The following AIF1L variants were observed in gnomAD, a reference collection of about 807,000 sequenced individuals.
AIF1L encodes allograft inflammatory factor 1 like, also known as allograft inflammatory factor 1-like.
A neutral mutation model predicts 20.7 loss-of-function variants in AIF1L; 12 were observed. The observed-to-expected ratio is 0.58, with a 90% CI of 0.37 to 0.94. The LOEUF is 0.94. AIF1L is among the 40% of genes least tolerant of loss of function. AIF1L has a pLI of 0.01. For synonymous variants in AIF1L, 76 were observed against 65.1 expected, an observed-to-expected ratio of 1.17 and a Z score of -0.81; for missense variants, 173 against 185.3, an observed-to-expected ratio of 0.93 and a Z score of 0.39.
At chr9:131,097,050 C>A (rs1379855082) in intron 2 of AIF1L, among the ~76,000 whole-genome samples, 187 bp downstream of exon 2, 10 of 152,236 alleles carry the variant, frequency 6.6e-5, no homozygotes, top group Admixed American at 6.5e-4. Context: ...TCCGCCTCCG[C>A]CTCCCGCCTC....
chr9:131,103,901 G>A (rs576212598), intron 2 of AIF1L, among the ~76,000 whole-genome samples: 2 of 152,180 alleles, frequency 1.3e-5, no homozygotes, highest in Non-Finnish European at 2.9e-5. Context: ...GTTTTCAACT[G>A]TTGTGAACTT....
At chr9:131,116,418 C>A (rs148686113) in intron 4 of AIF1L, among the ~76,000 whole-genome samples, 1 of 152,118 alleles carries the variant, frequency 6.6e-6, no homozygotes, top group Non-Finnish European at 1.5e-5. Flanking sequence ...CACGCACCAC[C>A]ACGCCCGGCT....
At chr9:131,108,772 C>G (rs1461435864) in intron 2 of AIF1L, among the ~76,000 whole-genome samples, 1 of 152,190 alleles carries the variant, frequency 6.6e-6, no homozygotes, top group Non-Finnish European at 1.5e-5. Context: ...CTGCCTCATA[C>G]TCATAATCTT....
In AIF1L at chr9:131,111,437, G is replaced by T. The variant is rs933453605; in HGVS notation, c.94-160G>T. 11 of 689,824 alleles carry T rather than the reference G, an allele frequency of 1.6e-5. No homozygotes were observed. In the African/African-American group the frequency reaches 1.6e-4, roughly 10 times the overall value. The allele number at this position is 689,824 out of a possible 1,614,324, so 42.7% of individuals were successfully genotyped here. On this transcript the variant is annotated intron_variant, in intron 2 of 5. Transcript: ENST00000247291. ...CCCACAGGGTGGCCAGTGCAGATCT[G>T]CCTCCAAGGGGCGACAGGAAGCCGG...
chr9:131,119,512 A>AG (rs1181071367), intron 5 of AIF1L, among the ~76,000 whole-genome samples: 1 of 150,624 alleles, frequency 6.6e-6, no homozygotes, highest in Non-Finnish European at 1.5e-5. Context: ...AAAAGAAAAA[A>AG]AAAAAAAAAA....
Position 131,114,291 on chromosome 9 carries a change from C to T in AIF1L, c.161-286C>T. 7.1e-6 allele frequency: 3 copies of T among 425,086 alleles called. No homozygotes were observed. The East Asian group carries it at 1.4e-4, about 20-fold the overall frequency. 26.3% of individuals were successfully genotyped at this position (425,086 alleles called of 1,614,324 possible). On this transcript the variant is annotated intron_variant, in intron 3 of 5. Coordinates refer to ENST00000247291, the MANE Select transcript of AIF1L (RefSeq NM_031426.4). The stretch of plus-strand genomic sequence containing the variant: ...ACTCAGATGCAGCTGGTCTGTGCTG[C>T]TGGGGACCCGGGAGAAAGCAGCTGC...
chr9:131,097,783 T>C (rs966765671), intron 2 of AIF1L, among the ~76,000 whole-genome samples: 4 of 152,176 alleles, frequency 2.6e-5, no homozygotes, highest in African/African-American at 9.7e-5. Context: ...GCAAAGGGCC[T>C]CTCATCTCCA....
At chr9:131,106,077 C>A in intron 2 of AIF1L, 1 of 1,276,314 alleles carries the variant, frequency 7.8e-7, no homozygotes, top group Admixed American at 2.3e-5. Context: ...CCTCGGGCTC[C>A]TCAACAGATG....
intron 2 of AIF1L, among the ~76,000 whole-genome samples, chr9:131,097,655 A>G (rs1421418447): frequency 6.6e-6 from 1 of 152,270 alleles, no homozygotes; most frequent in African/African-American, 2.4e-5. Flanking sequence ...ATAAGGAAAG[A>G]TATCAGGACC....
chr9:131,120,294 CAGAG>C lies in AIF1L; in HGVS notation c.431_434del (p.Arg144ThrfsTer29). ...AGCCCCAAGCCAGTTGGCCCCCCTC[CAGAG>C]AGAGACATTGCTAGCCTGCCCTGAG... On this transcript the variant is annotated frameshift_variant, in exon 6 of 6. Coordinates refer to ENST00000247291, the MANE Select transcript of AIF1L (RefSeq NM_031426.4). LOFTEE classifies it high-confidence loss of function. 6.2e-7 allele frequency: 1 copy of C among 1,613,840 alleles called. No individual in the cohort carries two copies. Among genetic ancestry groups the C allele is most frequent in the Non-Finnish European group, 8.5e-7 (1 of 1,179,914 alleles).
intron 5 of AIF1L, among the ~76,000 whole-genome samples, chr9:131,118,793 C>A (rs925343102): frequency 1.3e-5 from 2 of 152,108 alleles, no homozygotes; most frequent in Admixed American, 6.5e-5. Context: ...AGAGATCAGA[C>A]CCCCTCGGCC....
rs1397173482 is a variant in AIF1L, at chr9:131,096,883, C to T, written c.93+20C>T. On this transcript the variant is annotated intron_variant, in intron 2 of 5. Coordinates refer to ENST00000247291, the MANE Select transcript of AIF1L (RefSeq NM_031426.4). The stretch of plus-strand genomic sequence containing the variant: ...AACCGGGTAAGCCCCGCGCCCAGGG[C>T]AGCACGCGAGTCCCGAGCCGCGCGC... 2 of 1,522,832 alleles carry T rather than the reference C, an allele frequency of 1.3e-6. No homozygotes were observed. The highest frequency in any genetic ancestry group is 2.5e-5 in the South Asian group (2 of 81,308). The allele number at this position is 1,522,832 out of a possible 1,614,324, so 94.3% of individuals were successfully genotyped here.
In AIF1L at chr9:131,100,410, G is replaced by A. The variant is rs568706330; in HGVS notation, c.93+3547G>A. Among the ~76,000 whole-genome samples the A allele has an allele frequency of 3.9e-5, 6 of 152,348 alleles. No homozygotes were observed. In the East Asian group the frequency reaches 9.6e-4, roughly 24 times the overall value. ...GCACTGTGGGCATTATCTTGCGAATGCTCTCTCTAACCCAGGGAGTATTGT... is the reference window on the plus strand; with the variant it reads ...GCACTGTGGGCATTATCTTGCGAATACTCTCTCTAACCCAGGGAGTATTGT... On this transcript the variant is annotated intron_variant, in intron 2 of 5. Transcript: ENST00000247291.
chr9:131,106,771 ATTGAGAAGGTGACATTCGGCCG>A (rs1830759607), intron 2 of AIF1L, among the ~76,000 whole-genome samples: 2 of 89,624 alleles, frequency 2.2e-5, no homozygotes, highest in South Asian at 3.0e-4. Context: ...GGTCGGCCGC[ATTGAGAAGGTGACATTCGGCCG>A]CATTGAGAAG....
chr9:131,121,298 C>T lies in AIF1L; in HGVS notation c.*976C>T, dbSNP rs903821960. ...CACATAATTCACTCATTGACTCACTCATTCACCAGATATTTATTGACCTGC... is the reference window on the plus strand; with the variant it reads ...CACATAATTCACTCATTGACTCACTTATTCACCAGATATTTATTGACCTGC... On this transcript the variant is annotated 3_prime_UTR_variant, in exon 6 of 6. Coordinates refer to ENST00000247291, the MANE Select transcript of AIF1L (RefSeq NM_031426.4). The T allele has an allele frequency of 3.5e-6, 2 of 577,940 alleles. No homozygotes were observed. Among genetic ancestry groups the T allele is most frequent in the Non-Finnish European group, 3.1e-6 (1 of 317,774 alleles). 35.8% of individuals were successfully genotyped at this position (577,940 alleles called of 1,614,324 possible). A position where few individuals can be genotyped will look rare whatever the true frequency, so the allele number is the denominator to read the frequency against.
intron 4 of AIF1L, among the ~76,000 whole-genome samples, chr9:131,117,168 T>C (rs1008999951): frequency 6.6e-6 from 1 of 152,158 alleles, no homozygotes; most frequent in African/African-American, 2.4e-5. Flanking sequence ...CTCTGTGGGA[T>C]ATTTTTGGCA....
In AIF1L at chr9:131,120,085, T is replaced by G. The variant is rs973712513; in HGVS notation, c.366-150T>G. 5.8e-6 allele frequency: 4 copies of G among 692,408 alleles called. No individual in the cohort carries two copies. The African/African-American group carries it at 7.3e-5, about 13-fold the overall frequency. The allele number at this position is 692,408 out of a possible 1,614,324, so 42.9% of individuals were successfully genotyped here. A position where few individuals can be genotyped will look rare whatever the true frequency, so the allele number is the denominator to read the frequency against. On this transcript the variant is annotated intron_variant, in intron 5 of 5. Transcript: ENST00000247291. ...CAGCCCCTTCCTTGGAGCTGCTGTC[T>G]TGGGCTTCTGCAAGGATCCCACTGG... is the stretch of plus-strand genomic sequence containing the variant.
At chr9:131,099,851 C>T (rs1192948060) in intron 2 of AIF1L, among the ~76,000 whole-genome samples, 1 of 151,804 alleles carries the variant, frequency 6.6e-6, no homozygotes, top group Non-Finnish European at 1.5e-5. Context: ...CTCAGCCTCC[C>T]GAGTAACTGG....
At chr9:131,107,228 A>G (rs1056844116) in intron 2 of AIF1L, among the ~76,000 whole-genome samples, 7 of 152,214 alleles carry the variant, frequency 4.6e-5, no homozygotes, top group African/African-American at 1.2e-4. Flanking sequence ...GCCCAGGGCA[A>G]TCTTCCCAAC....
Sources: allele counts gnomAD v4.1 joint callset (sites outside exome capture counted in the v4.1 genomes callset), GRCh38; gene constraint gnomAD v4.1.1; transcripts MANE v1.5; gene names NCBI Gene and HGNC (gene_info 2026-07-23, HGNC 2026-07-21).